Variants in GRM7 observed in about 807,000 individuals in gnomAD.
The protein encoded by GRM7 is metabotropic glutamate receptor 7.
GRM7 carries 35 observed loss-of-function variants against 84.5 expected under a neutral mutation model. The observed-to-expected ratio is 0.41, with a 90% CI of 0.32 to 0.55. The LOEUF is 0.55. GRM7 is among the 20% of genes least tolerant of loss of function. GRM7 has a pLI of 0.19. For synonymous variants in GRM7, 487 were observed against 455.1 expected (o/e 1.07, Z -0.89); for missense variants, 1,003 against 1,194.6 (o/e 0.84, Z 2.36).
chr3:7,601,654 G>A (rs1001742449), intron 8 of GRM7, among the ~76,000 whole-genome samples: 5 of 152,058 alleles, frequency 3.3e-5, no homozygotes, highest in African/African-American at 1.2e-4. Flanking sequence ...AGATGTGTGT[G>A]TTCTCGTGTA....
intron 4 of GRM7, among the ~76,000 whole-genome samples, chr3:7,385,983 C>T (rs1198980275): frequency 1.3e-5 from 2 of 152,158 alleles, no homozygotes; most frequent in Admixed American, 1.3e-4. Flanking sequence ...AACGTGCATA[C>T]AGTCTGATTG....
At chr3:7,697,274 TA>T (rs745465521) in intron 9 of GRM7, among the ~76,000 whole-genome samples, 42 of 152,322 alleles carry the variant, frequency 2.8e-4, no homozygotes, top group Non-Finnish European at 5.1e-4. Context: ...TGCCCTTATG[TA>T]ACATTTTATA....
intron 1 of GRM7, among the ~76,000 whole-genome samples, chr3:6,958,963 C>T (rs1693183275): frequency 6.6e-6 from 1 of 152,018 alleles, no homozygotes; most frequent in Admixed American, 6.6e-5. Flanking sequence ...AACTCAAAAC[C>T]CATAATCAAA....
chr3:7,402,801 T>C (rs2125160588), intron 4 of GRM7, among the ~76,000 whole-genome samples: 2 of 108,326 alleles, frequency 1.8e-5, no homozygotes, highest in South Asian at 5.1e-4. Context: ...TGAGTGTTGT[T>C]TTCCTTTTTT....
intron 1 of GRM7, among the ~76,000 whole-genome samples, chr3:7,043,917 T>G (rs764743542): frequency 2.6e-5 from 4 of 152,188 alleles, no homozygotes; most frequent in Non-Finnish European, 4.4e-5. Flanking sequence ...AGGGCTCAAG[T>G]GATCTTCCTG....
intron 1 of GRM7, among the ~76,000 whole-genome samples, chr3:6,985,286 G>A (rs1261638892): frequency 2.0e-5 from 3 of 151,950 alleles, no homozygotes; most frequent in African/African-American, 7.3e-5. Flanking sequence ...CTCTGTTTTG[G>A]TATCAAGTAG....
In GRM7 at chr3:7,621,745, C is replaced by T. The variant is rs182440299; in HGVS notation, c.2451+42388C>T. Among the ~76,000 whole-genome samples the T allele has an allele frequency of 8.1e-4, 123 of 151,972 alleles. 1 individual carries two copies. Among genetic ancestry groups the T allele is most frequent in the African/African-American group, 2.6e-3 (108 of 41,486 alleles). On this transcript the variant is annotated intron_variant, in intron 8 of 9. Coordinates refer to ENST00000357716, the MANE Select transcript of GRM7 (RefSeq NM_000844.4). ...GGTAGCTCACAGCAATTACAGAAAA[C>T]GATGAAACAACAGATTTGCCACTAA...
chr3:7,637,277 G>A (rs1478647035), intron 8 of GRM7, among the ~76,000 whole-genome samples: 1 of 152,114 alleles, frequency 6.6e-6, no homozygotes, highest in Non-Finnish European at 1.5e-5. Flanking sequence ...ACAAAGTGTT[G>A]GGACTTTAGA....
intron 2 of GRM7, 57 bp downstream of exon 2, chr3:7,146,725 A>T: frequency 5.7e-6 from 7 of 1,236,980 alleles, no homozygotes; most frequent in Middle Eastern, 1.9e-4. Flanking sequence ...TGGCTTGTAG[A>T]GTTCTCTTCA....
At chr3:7,683,032 C>T (rs928624977) in intron 9 of GRM7, among the ~76,000 whole-genome samples, 1 of 152,218 alleles carries the variant, frequency 6.6e-6, no homozygotes, top group Non-Finnish European at 1.5e-5. Context: ...TCAACCCACG[C>T]TTGTTCCTCT....
intron 2 of GRM7, among the ~76,000 whole-genome samples, chr3:7,175,588 A>G (rs936351201): frequency 1.3e-5 from 2 of 152,188 alleles, no homozygotes; most frequent in Non-Finnish European, 2.9e-5. Context: ...CCCAGGCTAG[A>G]GTGCAGTGGT....
intron 9 of GRM7, among the ~76,000 whole-genome samples, chr3:7,713,141 T>G (rs1046186379): frequency 5.5e-5 from 8 of 145,212 alleles, no homozygotes; most frequent in South Asian, 2.2e-4. Flanking sequence ...TTTTTTTTTT[T>G]TTTTTTTTTT....
intron 1 of GRM7, among the ~76,000 whole-genome samples, chr3:6,994,636 T>G (rs1259762609): frequency 6.6e-6 from 1 of 152,258 alleles, no homozygotes; most frequent in African/African-American, 2.4e-5. Context: ...TGGTGATTCC[T>G]TAAACTATTA....
intron 7 of GRM7, among the ~76,000 whole-genome samples, chr3:7,465,549 T>G (rs568221358): frequency 2.6e-5 from 4 of 152,302 alleles, no homozygotes; most frequent in Admixed American, 6.5e-5. Context: ...ATCCTGCCCT[T>G]GAAGTTCCTT....
At chr3:7,712,061 A>T (rs1229120052) in intron 9 of GRM7, among the ~76,000 whole-genome samples, 1 of 152,098 alleles carries the variant, frequency 6.6e-6, no homozygotes, top group Non-Finnish European at 1.5e-5. Flanking sequence ...ACTTATGAGC[A>T]CTCCAGGAGA....
intron 1 of GRM7, among the ~76,000 whole-genome samples, chr3:6,880,630 C>G (rs554220077): frequency 6.6e-6 from 1 of 151,824 alleles, no homozygotes; most frequent in South Asian, 2.1e-4. Context: ...TGCCTTTGAG[C>G]AAATCTGTTT....
At chr3:7,272,001 A>G (rs1436592528) in intron 2 of GRM7, among the ~76,000 whole-genome samples, 5 of 152,328 alleles carry the variant, frequency 3.3e-5, no homozygotes, top group African/African-American at 1.2e-4. Context: ...CTTGGAGGAA[A>G]AGGCCTATCA....
chr3:7,539,065 A>G (rs1692717592), intron 7 of GRM7, among the ~76,000 whole-genome samples: 2 of 152,202 alleles, frequency 1.3e-5, no homozygotes, highest in African/African-American at 2.4e-5. Flanking sequence ...CTCTAAAATT[A>G]ACTTTCAGAT....
chr3:7,647,028 T>C (rs1000934704), intron 8 of GRM7, among the ~76,000 whole-genome samples: 1 of 152,216 alleles, frequency 6.6e-6, no homozygotes, highest in East Asian at 1.9e-4. Flanking sequence ...TCTGTCCTAA[T>C]AATGTTCCCT....
Sources: allele counts gnomAD v4.1 joint callset (sites outside exome capture counted in the v4.1 genomes callset), GRCh38; gene constraint gnomAD v4.1.1; transcripts MANE v1.5; gene names NCBI Gene and HGNC (gene_info 2026-07-23, HGNC 2026-07-21).